The following PHF14 variants were observed in gnomAD, a reference collection of about 807,000 sequenced individuals.
PHF14 encodes PHD finger protein 14.
In PHF14, 55 loss-of-function variants were observed where a neutral mutation model predicts 117.9. That is an observed-to-expected ratio of 0.47 (90% CI 0.38 to 0.58). The LOEUF (loss-of-function observed/expected upper bound fraction) is 0.58. Ranked by LOEUF, PHF14 falls within the 20% of genes least tolerant of loss-of-function variation. The probability of loss-of-function intolerance (pLI) is 0.00; values close to 1 mark genes in which losing one functional copy is unlikely to be tolerated. For missense variants in PHF14, 978 were observed against 1,122.2 expected (o/e 0.87, Z 1.84); for synonymous variants, 409 against 368.6 (o/e 1.11, Z -1.26).
At chr7:10,977,851 T>TA (rs1426039983) in intron 2 of PHF14, among the ~76,000 whole-genome samples, 1 of 152,220 alleles carries the variant, frequency 6.6e-6, no homozygotes, top group African/African-American at 2.4e-5. Context: ...TTTACCTAGT[T>TA]AAAGTGTTGA....
At chr7:11,127,365 T>G (rs968508562) in intron 17 of PHF14, among the ~76,000 whole-genome samples, 2 of 152,222 alleles carry the variant, frequency 1.3e-5, no homozygotes, top group Non-Finnish European at 2.9e-5. Flanking sequence ...ATCTCTTTTT[T>G]GATTGGCATT....
At chr7:11,123,854 G>A (rs1177154029) in intron 17 of PHF14, among the ~76,000 whole-genome samples, 1 of 147,604 alleles carries the variant, frequency 6.8e-6, no homozygotes, top group Non-Finnish European at 1.5e-5. Context: ...GGAGGCGGAA[G>A]TTGCAGTGAG....
chr7:11,141,268 G>T (rs1296876847), intron 17 of PHF14, among the ~76,000 whole-genome samples: 1 of 151,914 alleles, frequency 6.6e-6, no homozygotes, highest in African/African-American at 2.4e-5. Flanking sequence ...TTTCTGTCAG[G>T]GTTATCTCTG....
chr7:11,104,548 A>C, intron 16 of PHF14: 2 of 981,600 alleles, frequency 2.0e-6, no homozygotes, highest in Non-Finnish European at 2.4e-6. Context: ...CACATCAGGT[A>C]AATGATAGTT....
At chr7:11,029,732 T>C (rs1270993077) in intron 7 of PHF14, among the ~76,000 whole-genome samples, 1 of 152,194 alleles carries the variant, frequency 6.6e-6, no homozygotes, top group Non-Finnish European at 1.5e-5. Flanking sequence ...TTTAAGAATG[T>C]TAACAAATTG....
At chr7:11,089,346 G>A (rs943507221) in intron 16 of PHF14, among the ~76,000 whole-genome samples, 2 of 152,100 alleles carry the variant, frequency 1.3e-5, no homozygotes, top group African/African-American at 4.8e-5. Context: ...TTTTATATAT[G>A]TATATCTTTT....
intron 16 of PHF14, among the ~76,000 whole-genome samples, chr7:11,084,492 TG>T (rs1786298491): frequency 8.2e-6 from 1 of 121,470 alleles, no homozygotes; most frequent in African/African-American, 3.2e-5. Context: ...GGTTTACTCT[TG>T]TGTTTTTTTT....
intron 16 of PHF14, chr7:11,104,938 TCTC>T: frequency 2.1e-6 from 2 of 965,330 alleles, no homozygotes; most frequent in Non-Finnish European, 1.2e-6. Context: ...GCTTTTAACA[TCTC>T]CTTAAAAGGT....
At chr7:11,006,404 T>C (rs1783095730) in intron 4 of PHF14, 1 of 523,052 alleles carries the variant, frequency 1.9e-6, no homozygotes, top group Non-Finnish European at 3.8e-6. Flanking sequence ...TCAGTTTAGA[T>C]GATCCCAATT....
At chr7:11,106,753 G>T in intron 16 of PHF14, 3 of 983,848 alleles carry the variant, frequency 3.0e-6, no homozygotes, top group Non-Finnish European at 2.4e-6. Flanking sequence ...GAACATTCTT[G>T]TGATGGAATT....
chr7:11,075,392 C>T (rs1024081374), intron 16 of PHF14, among the ~76,000 whole-genome samples: 3 of 152,196 alleles, frequency 2.0e-5, no homozygotes, highest in South Asian at 2.1e-4. Flanking sequence ...CAGCATGGCA[C>T]TAGCATCTGC....
At chr7:11,051,875 T>A in intron 14 of PHF14, 95 bp downstream of exon 14, 3 of 1,019,512 alleles carry the variant, frequency 2.9e-6, no homozygotes, top group Non-Finnish European at 4.3e-6. Flanking sequence ...TACTCAGAAG[T>A]CAAAGAAAAA....
chr7:11,122,217 T>G (rs1204447163), intron 17 of PHF14, among the ~76,000 whole-genome samples: 1 of 150,752 alleles, frequency 6.6e-6, no homozygotes, highest in Admixed American at 6.6e-5. Context: ...CTGCATAGTG[T>G]TCCATGGTAT....
rs577817018 is a variant in PHF14, at chr7:11,106,297, C to A, written c.2655-5053C>A. The A allele has an allele frequency of 9.2e-6, 9 of 973,764 alleles. No individual in the cohort carries two copies. In the African/African-American group the frequency reaches 1.6e-4, roughly 17 times the overall value. The allele number at this position is 973,764 out of a possible 1,614,324, so 60.3% of individuals were successfully genotyped here. ...ATGTGTAAAGAATATTTTTGTCTTT[C>A]TTACTACCCATTCATTCATTATTGG... On this transcript the variant is annotated intron_variant, in intron 16 of 17. Coordinates refer to ENST00000634607, the MANE Select transcript of PHF14 (RefSeq NM_001007157.2).
intron 16 of PHF14, among the ~76,000 whole-genome samples, chr7:11,077,120 GT>G (rs1785890399): frequency 6.6e-6 from 1 of 151,782 alleles, no homozygotes; most frequent in African/African-American, 2.4e-5. Flanking sequence ...TCTTTTGGTC[GT>G]TAGTAATGTT....
rs1231102732 is a variant in PHF14 at position 11,105,261 on chromosome 7, TAA to T, written c.2655-6088_2655-6087del. 4 of 956,284 alleles carry T rather than the reference TAA, an allele frequency of 4.2e-6. No homozygotes were observed. The African/African-American group carries it at 7.1e-5, about 17-fold the overall frequency. 59.2% of individuals were successfully genotyped at this position (956,284 alleles called of 1,614,324 possible). The stretch of plus-strand genomic sequence containing the variant: ...TAGATCATTGTCATTCGTTGTTGCT[TAA>T]GTGTTCATCTGATTTTATATTTATG... On this transcript the variant is annotated intron_variant, in intron 16 of 17. Transcript: ENST00000634607.
chr7:11,055,059 C>T (rs1320099773), intron 14 of PHF14, among the ~76,000 whole-genome samples: 1 of 151,994 alleles, frequency 6.6e-6, no homozygotes, highest in Non-Finnish European at 1.5e-5. Flanking sequence ...TCCCATTCTT[C>T]TTATGTTTCA....
chr7:10,996,524 A>G (rs960379591), intron 4 of PHF14, among the ~76,000 whole-genome samples: 4 of 152,172 alleles, frequency 2.6e-5, no homozygotes, highest in African/African-American at 9.7e-5. Flanking sequence ...TGTTTTTAAG[A>G]GTGGGAAATC....
At chr7:11,054,020 C>G (rs1158409024) in intron 14 of PHF14, among the ~76,000 whole-genome samples, 2 of 150,410 alleles carry the variant, frequency 1.3e-5, no homozygotes, top group African/African-American at 4.9e-5. Flanking sequence ...CATGTTGAAG[C>G]TCCAAAAAAA....
Sources: gnomAD v4.1 joint callset for allele counts (sites outside exome capture counted in the v4.1 genomes callset) on GRCh38, gnomAD v4.1.1 for gene constraint, MANE v1.5 for transcripts, NCBI Gene and HGNC (gene_info 2026-07-23, HGNC 2026-07-21) for gene names.